The following THEMIS variants were observed in gnomAD, a reference collection of about 807,000 sequenced individuals.
The protein encoded by THEMIS is protein THEMIS.
Under a neutral mutation model 52.6 loss-of-function variants are expected in THEMIS, and 37 were observed. The observed-to-expected ratio is 0.70, with a 90% CI of 0.54 to 0.93. The LOEUF is 0.93. Among genes scored for constraint, THEMIS ranks in the 40% least tolerant of loss-of-function variants. The pLI is 0.00. For missense variants in THEMIS, 808 were observed against 763.1 expected (o/e 1.06, Z -0.69); for synonymous variants, 292 against 272.7 (o/e 1.07, Z -0.70).
chr6:127,786,784 C>T (rs269991), intron 4 of THEMIS, among the ~76,000 whole-genome samples: 43,726 of 151,930 alleles, frequency 0.29, 7,360 homozygotes, highest in Non-Finnish European at 0.39. Context: ...TAGAAATTAA[C>T]GAAAAAGAAA....
intron 4 of THEMIS, among the ~76,000 whole-genome samples, chr6:127,758,504 C>T (rs746633029): frequency 4.8e-4 from 72 of 148,550 alleles, no homozygotes; most frequent in Admixed American, 1.8e-3. Context: ...TCATAGGTGC[C>T]CAATACATAT....
chr6:127,762,605 A>C (rs1776060872), intron 4 of THEMIS, among the ~76,000 whole-genome samples: 1 of 151,952 alleles, frequency 6.6e-6, no homozygotes, highest in Non-Finnish European at 1.5e-5. Context: ...AGTCCCCTCC[A>C]CCTGGAAAGG....
chr6:127,828,228 A>G (rs1778575490), intron 3 of THEMIS, among the ~76,000 whole-genome samples: 1 of 152,200 alleles, frequency 6.6e-6, no homozygotes, highest in African/African-American at 2.4e-5. Context: ...AGATGCCAAT[A>G]GTTGTAGAAA....
intron 1 of THEMIS, among the ~76,000 whole-genome samples, chr6:127,858,646 TA>T (rs1157389764): frequency 6.6e-6 from 1 of 152,132 alleles, no homozygotes; most frequent in Non-Finnish European, 1.5e-5. Flanking sequence ...TAATTGCTTT[TA>T]AAAAAATTGC....
chr6:127,743,546 G>C (rs568166594), intron 4 of THEMIS, among the ~76,000 whole-genome samples: 1 of 152,004 alleles, frequency 6.6e-6, no homozygotes, highest in Admixed American at 6.6e-5. Flanking sequence ...GAGTATAAAG[G>C]GTTTCTTAGG....
intron 1 of THEMIS, among the ~76,000 whole-genome samples, chr6:127,868,793 G>A (rs1780064016): frequency 6.6e-6 from 1 of 152,142 alleles, no homozygotes; most frequent in Non-Finnish European, 1.5e-5. Flanking sequence ...GGCAAGGGTA[G>A]AATCTAGCTT....
chr6:127,721,859 G>A (rs138004911), intron 4 of THEMIS, among the ~76,000 whole-genome samples: 2,088 of 151,984 alleles, frequency 0.014, 26 homozygotes, highest in Non-Finnish European at 0.021. Context: ...GATCAAAGAA[G>A]GAATAAGCTT....
chr6:127,855,327 G>T, intron 1 of THEMIS, 139 bp from the exon 2 acceptor site: 1 of 689,866 alleles, frequency 1.4e-6, no homozygotes, highest in Admixed American at 3.4e-5. Flanking sequence ...ATCAAGCTTG[G>T]CAAAATGTAC....
At chr6:127,721,092 C>T (rs1301774648) in intron 4 of THEMIS, among the ~76,000 whole-genome samples, 1 of 151,940 alleles carries the variant, frequency 6.6e-6, no homozygotes, top group Non-Finnish European at 1.5e-5. Context: ...TTCCACTATG[C>T]CATGAGGCTA....
At chr6:127,881,191 C>T (rs1780475097) in intron 1 of THEMIS, among the ~76,000 whole-genome samples, 1 of 151,966 alleles carries the variant, frequency 6.6e-6, no homozygotes, top group Admixed American at 6.6e-5. Context: ...ATATACAAAA[C>T]CATAAAACTA....
chr6:127,762,988 C>A (rs1252828531), intron 4 of THEMIS, among the ~76,000 whole-genome samples: 3 of 151,708 alleles, frequency 2.0e-5, no homozygotes, highest in Admixed American at 1.3e-4. Flanking sequence ...GAGACCCATA[C>A]AACCATTATA....
intron 4 of THEMIS, among the ~76,000 whole-genome samples, chr6:127,743,835 T>A (rs912579666): frequency 2.0e-5 from 3 of 152,152 alleles, no homozygotes; most frequent in African/African-American, 7.2e-5. Flanking sequence ...AAGTCTGTTT[T>A]TCTAGTCATT....
intron 4 of THEMIS, among the ~76,000 whole-genome samples, chr6:127,789,120 G>C (rs1213687215): frequency 1.3e-5 from 2 of 150,104 alleles, no homozygotes; most frequent in African/African-American, 4.8e-5. Flanking sequence ...TAACAAAATA[G>C]ATAGACCACT....
chr6:127,699,624 G>A, the THEMIS span, among the ~76,000 whole-genome samples: 17 of 151,510 alleles, frequency 1.1e-4, no homozygotes, highest in East Asian at 1.4e-3. Flanking sequence ...GAAATAAACC[G>A]AACTGTACAT....
chr6:127,915,878 T>C (rs150192724), intron 1 of THEMIS, among the ~76,000 whole-genome samples: 4,043 of 152,062 alleles, frequency 0.027, 174 homozygotes, highest in African/African-American at 0.089. Context: ...TCCCAGCTAC[T>C]CGGGAGGCTG....
chr6:127,874,853 G>A (rs1021472791), intron 1 of THEMIS, among the ~76,000 whole-genome samples: 2 of 152,224 alleles, frequency 1.3e-5, no homozygotes, highest in Non-Finnish European at 2.9e-5. Flanking sequence ...CCTTATCATT[G>A]AGGGAAGTTG....
At chr6:127,891,428 C>T (rs552928617) in intron 1 of THEMIS, among the ~76,000 whole-genome samples, 11 of 149,870 alleles carry the variant, frequency 7.3e-5, no homozygotes, top group African/African-American at 2.0e-4. Context: ...CCCAGCTACT[C>T]GTGAGACTGA....
At chr6:127,909,537 C>T (rs1210646817) in intron 1 of THEMIS, among the ~76,000 whole-genome samples, 1 of 152,114 alleles carries the variant, frequency 6.6e-6, no homozygotes, top group Non-Finnish European at 1.5e-5. Flanking sequence ...TGAGGCTTCC[C>T]CAGCCCTGTG....
intron 4 of THEMIS, among the ~76,000 whole-genome samples, chr6:127,763,246 T>C (rs1776081851): frequency 6.6e-6 from 1 of 152,018 alleles, no homozygotes; most frequent in Non-Finnish European, 1.5e-5. Context: ...GAATTCTCTA[T>C]GTGATTAAAA....
Sources: allele counts gnomAD v4.1 joint callset (sites outside exome capture counted in the v4.1 genomes callset), GRCh38; gene constraint gnomAD v4.1.1; transcripts MANE v1.5; gene names NCBI Gene and HGNC (gene_info 2026-07-23, HGNC 2026-07-21).